DENND1B: variants seen among roughly 807,000 people sequenced by gnomAD.
DENND1B encodes the protein DENN domain containing 1B.
DENND1B carries 59 observed loss-of-function variants against 90.1 expected under a neutral mutation model. The ratio of observed to expected loss-of-function variants is 0.65; its 90% CI spans 0.53 to 0.81. DENND1B has a LOEUF of 0.81. DENND1B is among the 40% of genes least tolerant of loss of function. The pLI is 0.00. For synonymous variants in DENND1B, 337 were observed against 324.6 expected (o/e 1.04, Z -0.41); for missense variants, 862 against 912.6 (o/e 0.94, Z 0.71).
chr1:197,693,573 A>G (rs770619919), intron 3 of DENND1B, among the ~76,000 whole-genome samples: 2 of 151,716 alleles, frequency 1.3e-5, no homozygotes, highest in Non-Finnish European at 3.0e-5. Context: ...AAATGAAAAT[A>G]TATCTAATAA....
At chr1:197,561,536 G>A (rs1417184427) in intron 15 of DENND1B, among the ~76,000 whole-genome samples, 2 of 151,542 alleles carry the variant, frequency 1.3e-5, no homozygotes, top group Non-Finnish European at 2.9e-5. Flanking sequence ...CATGCTGATG[G>A]CTTTAAATTC....
intron 10 of DENND1B, among the ~76,000 whole-genome samples, chr1:197,623,079 G>A (rs1678322441): frequency 6.6e-6 from 1 of 151,214 alleles, no homozygotes; most frequent in South Asian, 2.1e-4. Context: ...TCTAGATTGT[G>A]CCTCATTCTT....
chr1:197,703,652 T>C (rs1659252689), intron 3 of DENND1B, among the ~76,000 whole-genome samples: 1 of 152,170 alleles, frequency 6.6e-6, no homozygotes. Flanking sequence ...AATATCTGAT[T>C]CTAAAAAGAA....
In DENND1B at chr1:197,667,105, G is replaced by A. The variant is rs1655016116; in HGVS notation, c.296+4932C>T. ...GCAAAGATTGCGTCACTGCATTCCA[G>A]CCTGGCCGCAGAGCGAGACTCCATC... On this transcript the variant is annotated intron_variant, in intron 5 of 22. Coordinates refer to ENST00000620048, the MANE Select transcript of DENND1B (RefSeq NM_001195215.2). 2.0e-5 allele frequency among the ~76,000 whole-genome samples: 3 copies of A among 149,760 alleles called. No homozygotes were observed. In the South Asian group the frequency reaches 6.3e-4, roughly 31 times the overall value.
chr1:197,616,887 G>C (rs533584962), intron 11 of DENND1B, among the ~76,000 whole-genome samples: 9 of 151,162 alleles, frequency 6.0e-5, no homozygotes, highest in Admixed American at 1.3e-4. Context: ...ACCTGCAGAA[G>C]ATGATTATGC....
intron 3 of DENND1B, among the ~76,000 whole-genome samples, chr1:197,696,698 A>G (rs1454155187): frequency 6.6e-6 from 1 of 151,532 alleles, no homozygotes; most frequent in African/African-American, 2.4e-5. Flanking sequence ...TTATTTTTCC[A>G]AGAAAATTAA....
At chr1:197,739,078 G>C (rs1037564649) in intron 2 of DENND1B, among the ~76,000 whole-genome samples, 2 of 152,170 alleles carry the variant, frequency 1.3e-5, no homozygotes, top group African/African-American at 4.8e-5. Flanking sequence ...ACACATATGA[G>C]GAAACTACCA....
intron 14 of DENND1B, among the ~76,000 whole-genome samples, chr1:197,587,620 T>A (rs769792217): frequency 3.5e-4 from 53 of 152,292 alleles, no homozygotes; most frequent in African/African-American, 1.4e-4. Context: ...AAATTCTTGA[T>A]CATCTTTGCA....
intron 5 of DENND1B, among the ~76,000 whole-genome samples, chr1:197,669,649 G>C (rs1399503256): frequency 6.6e-6 from 1 of 151,738 alleles, no homozygotes; most frequent in Non-Finnish European, 1.5e-5. Context: ...TCTTAAAAGG[G>C]CAATATTTTT....
chr1:197,608,093 T>C (rs1391641295), intron 12 of DENND1B, among the ~76,000 whole-genome samples: 1 of 150,632 alleles, frequency 6.6e-6, no homozygotes, highest in Non-Finnish European at 1.5e-5. Context: ...TAAGTGGTGG[T>C]CTACAATAAT....
intron 2 of DENND1B, among the ~76,000 whole-genome samples, chr1:197,772,081 C>T (rs1003147511): frequency 6.6e-6 from 1 of 152,192 alleles, no homozygotes; most frequent in Non-Finnish European, 1.5e-5. Flanking sequence ...AAGTGCTGTG[C>T]TATTGGAGTA....
chr1:197,569,232 G>A (rs982432925), intron 15 of DENND1B, among the ~76,000 whole-genome samples: 5 of 151,976 alleles, frequency 3.3e-5, no homozygotes, highest in Admixed American at 2.6e-4. Context: ...GAGACATCAT[G>A]TCATACCTGT....
chr1:197,587,154 T>C (rs976662654), intron 14 of DENND1B, among the ~76,000 whole-genome samples: 2 of 152,216 alleles, frequency 1.3e-5, no homozygotes, highest in African/African-American at 4.8e-5. Flanking sequence ...GACTTGAATA[T>C]TAAAGTTGAG....
At chr1:197,544,780 G>GGAA (rs568562712) in intron 18 of DENND1B, among the ~76,000 whole-genome samples, 11,047 of 124,004 alleles carry the variant, frequency 0.089, 546 homozygotes, top group Non-Finnish European at 0.12. Flanking sequence ...ACGAGGAGGA[G>GGAA]GAAGAAGAAG....
At chr1:197,677,941 G>A (rs953637505) in intron 3 of DENND1B, among the ~76,000 whole-genome samples, 2 of 152,142 alleles carry the variant, frequency 1.3e-5, no homozygotes, top group Non-Finnish European at 2.9e-5. Flanking sequence ...AGCTTCCAGA[G>A]TTCAGCACAT....
intron 15 of DENND1B, among the ~76,000 whole-genome samples, chr1:197,563,052 G>A (rs868082074): frequency 1.3e-5 from 2 of 151,932 alleles, no homozygotes; most frequent in Middle Eastern, 3.2e-3. Flanking sequence ...TATGAAGGTA[G>A]GAGACATTGG....
At position 197,607,083 on chromosome 1, in the gene DENND1B, G is replaced by C. The variant is rs1291669729; in HGVS notation, c.911C>G (p.Pro304Arg). Residue 304 changes from proline (P) to arginine (R), a missense_variant, in exon 13 of 23, where the codon CCA becomes CGA. Coordinates refer to ENST00000620048, the MANE Select transcript of DENND1B (RefSeq NM_001195215.2). Reference protein sequence around the residue: ...ESPFSDLNNLPSDVVSALKNK... With the variant: ...ESPFSDLNNLRSDVVSALKNK... ...AGCCTTCATACTTACCACATCACTT[G>C]GTAGGTTGTTCAAGTCACTAAATGG... The C allele has an allele frequency of 4.4e-6, 7 of 1,603,644 alleles. No homozygotes were observed. Among genetic ancestry groups the C allele is most frequent in the South Asian group, 1.1e-5 (1 of 90,452 alleles).
chr1:197,730,168 G>T (rs1016966261), intron 2 of DENND1B, among the ~76,000 whole-genome samples: 1 of 152,006 alleles, frequency 6.6e-6, no homozygotes, highest in African/African-American at 2.4e-5. Flanking sequence ...CTGAGAAAAA[G>T]TCAAGGTATA....
Position 197,541,007 on chromosome 1 carries a change from A to AT in DENND1B, c.1358dup (p.Asn453LysfsTer13). The AT allele has an allele frequency of 1.9e-6, 3 of 1,612,500 alleles. No individual in the cohort carries two copies. The highest frequency in any genetic ancestry group is 1.7e-6 in the Non-Finnish European group (2 of 1,179,168). ...CTTCCTTTAGTCCCAGCTTTGCATG[A>AT]TTTTTTGCCTAGAAAATGATAATGA... On this transcript the variant is annotated frameshift_variant, in exon 19 of 23. Transcript: ENST00000620048. LOFTEE classifies it high-confidence loss of function.
Sources: allele counts gnomAD v4.1 joint callset (sites outside exome capture counted in the v4.1 genomes callset), GRCh38; gene constraint gnomAD v4.1.1; transcripts MANE v1.5; gene names NCBI Gene and HGNC (gene_info 2026-07-23, HGNC 2026-07-21).